Variants in RBPJ observed in about 807,000 individuals in gnomAD.
The protein encoded by RBPJ is recombination signal binding protein for immunoglobulin kappa J region.
Under a neutral mutation model 67.8 loss-of-function variants are expected in RBPJ, and 9 were observed. The observed-to-expected ratio is 0.13, with a 90% CI of 0.08 to 0.23. The LOEUF is 0.23. Ranked by LOEUF, RBPJ falls within the 10% of genes least tolerant of loss-of-function variation. RBPJ has a pLI of 1.00. For missense variants in RBPJ, 305 were observed against 595.6 expected, an observed-to-expected ratio of 0.51 and a Z score of 5.08; for synonymous variants, 198 against 203.3, an observed-to-expected ratio of 0.97 and a Z score of 0.22.
chr4:26,335,529 G>A (rs542422582), intron 1 of RBPJ, among the ~76,000 whole-genome samples: 7 of 151,328 alleles, frequency 4.6e-5, no homozygotes, highest in Admixed American at 1.3e-4. Flanking sequence ...CTTTTTGCTC[G>A]CTGCCATTGC....
the RBPJ span, among the ~76,000 whole-genome samples, chr4:26,155,570 G>A: frequency 2.6e-5 from 4 of 152,006 alleles, no homozygotes; most frequent in Non-Finnish European, 4.4e-5. Context: ...GAGTAGCTGG[G>A]ACTACAGGCA....
At chr4:26,299,713 G>A (rs1421792534) in intron 1 of RBPJ, among the ~76,000 whole-genome samples, 1 of 118,942 alleles carries the variant, frequency 8.4e-6, no homozygotes, top group African/African-American at 3.3e-5. Context: ...AGTTTCGCTC[G>A]TGTTGCCTAG....
chr4:26,389,465 C>T (rs1463074349), intron 2 of RBPJ, among the ~76,000 whole-genome samples: 2 of 147,942 alleles, frequency 1.4e-5, no homozygotes, highest in Non-Finnish European at 1.5e-5. Context: ...AATTCTATAC[C>T]CAGTAGATAT....
chr4:26,333,300 G>T (rs1274867862), intron 1 of RBPJ, among the ~76,000 whole-genome samples: 2 of 152,144 alleles, frequency 1.3e-5, no homozygotes, highest in East Asian at 3.8e-4. Flanking sequence ...AAAAATTTCA[G>T]TAGTTTTGCA....
chr4:26,355,919 C>T (rs1405618655), intron 1 of RBPJ, among the ~76,000 whole-genome samples: 1 of 152,202 alleles, frequency 6.6e-6, no homozygotes, highest in African/African-American at 2.4e-5. Flanking sequence ...GGGATTTCTT[C>T]TTCCACCTCT....
intron 1 of RBPJ, among the ~76,000 whole-genome samples, chr4:26,375,989 G>GT: frequency 6.6e-6 from 1 of 152,188 alleles, no homozygotes; most frequent in African/African-American, 2.4e-5. Context: ...CTACTTGTCT[G>GT]TTTTTTCTGT....
chr4:26,355,759 G>A (rs1214920479), intron 1 of RBPJ, among the ~76,000 whole-genome samples: 4 of 152,194 alleles, frequency 2.6e-5, no homozygotes, highest in South Asian at 2.1e-4. Context: ...TTGATAGTTT[G>A]TGCCCCACTG....
At chr4:26,412,013 G>T (rs1425108396) in intron 3 of RBPJ, among the ~76,000 whole-genome samples, 2 of 151,244 alleles carry the variant, frequency 1.3e-5, no homozygotes, top group Non-Finnish European at 2.9e-5. Context: ...TACTCGGGAG[G>T]CTGAGGCAGG....
At chr4:26,158,793 C>A (rs912018003), upstream of RBPJ, among the ~76,000 whole-genome samples, 2 of 152,218 alleles carry the variant, frequency 1.3e-5, no homozygotes, top group Non-Finnish European at 2.9e-5. Context: ...AACCCACAAG[C>A]AGTTCTGATT....
At chr4:26,278,825 C>T (rs751515806) in intron 1 of RBPJ, among the ~76,000 whole-genome samples, 6 of 152,076 alleles carry the variant, frequency 3.9e-5, no homozygotes, top group African/African-American at 7.2e-5. Flanking sequence ...ATGATTAGTC[C>T]GTTTTAAAAA....
At chr4:26,120,425 T>C in the RBPJ span, among the ~76,000 whole-genome samples, 3 of 152,190 alleles carry the variant, frequency 2.0e-5, no homozygotes, top group East Asian at 1.9e-4. Context: ...AGAACACCCA[T>C]ACCTGAAATC....
intron 1 of RBPJ, among the ~76,000 whole-genome samples, chr4:26,326,788 T>C (rs1000752184): frequency 3.3e-5 from 5 of 152,214 alleles, no homozygotes; most frequent in African/African-American, 1.2e-4. Flanking sequence ...TAAGAATCAG[T>C]TTCCTCTGGT....
chr4:26,202,970 TAAGGAAGGAAGG>T (rs145254724), intron 1 of RBPJ, among the ~76,000 whole-genome samples: 3,092 of 138,576 alleles, frequency 0.022, 103 homozygotes, highest in African/African-American at 0.073. Flanking sequence ...AGGAAGGAAA[TAAGGAAGGAAGG>T]AAGGAAGGAA....
At chr4:26,417,797 C>A (rs1384483790) in intron 4 of RBPJ, among the ~76,000 whole-genome samples, 1 of 152,164 alleles carries the variant, frequency 6.6e-6, no homozygotes, top group Non-Finnish European at 1.5e-5. Flanking sequence ...ATAGTCTGTT[C>A]ATTGAGTGGT....
At chr4:26,169,524 C>A (rs1716473821) in intron 1 of RBPJ, among the ~76,000 whole-genome samples, 1 of 152,206 alleles carries the variant, frequency 6.6e-6, no homozygotes, top group Admixed American at 6.5e-5. Context: ...GGTCAGGGGT[C>A]AGAGACCCAC....
chr4:26,341,313 G>A (rs1285074450), intron 1 of RBPJ, among the ~76,000 whole-genome samples: 1 of 151,984 alleles, frequency 6.6e-6, no homozygotes, highest in Admixed American at 6.6e-5. Context: ...ATAACATGTG[G>A]TAAAAGACAG....
At chr4:26,231,088 A>G (rs1719265993) in intron 1 of RBPJ, among the ~76,000 whole-genome samples, 1 of 152,174 alleles carries the variant, frequency 6.6e-6, no homozygotes, top group Non-Finnish European at 1.5e-5. Flanking sequence ...AGAAACAGCC[A>G]TTTCTGCGAT....
Position 26,179,972 on chromosome 4 carries a change from A to G in RBPJ, c.-167+16358A>G, listed in dbSNP as rs146356984. 8.5e-5 allele frequency among the ~76,000 whole-genome samples: 13 copies of G among 152,370 alleles called. No individual in the cohort carries two copies. The East Asian group carries it at 2.3e-3, about 27-fold the overall frequency. ...GTTAAAGCAAATGTGGTACATATAC[A>G]CCAGGAAATACGATGCAGCCATAAA... On this transcript the variant is annotated intron_variant, in intron 1 of 4. Transcript: ENST00000512351.
At chr4:26,105,869 T>G in the RBPJ span, among the ~76,000 whole-genome samples, 1 of 152,246 alleles carries the variant, frequency 6.6e-6, no homozygotes, top group Admixed American at 6.5e-5. Flanking sequence ...AAAAGAGATC[T>G]ACAAGGTGGC....
Sources: gnomAD v4.1 joint callset for allele counts (sites outside exome capture counted in the v4.1 genomes callset) on GRCh38, gnomAD v4.1.1 for gene constraint, MANE v1.5 for transcripts, NCBI Gene and HGNC (gene_info 2026-07-23, HGNC 2026-07-21) for gene names.